IFT81: variants seen among roughly 807,000 people sequenced by gnomAD.
The protein encoded by IFT81 is intraflagellar transport protein 81 homolog.
A neutral mutation model predicts 102.6 loss-of-function variants in IFT81; 72 were observed. That is an observed-to-expected ratio of 0.70 (90% CI 0.58 to 0.85). The LOEUF is 0.85. Among genes scored for constraint, IFT81 ranks in the 40% least tolerant of loss-of-function variants. The pLI, the probability that IFT81 is intolerant of heterozygous loss-of-function variation, is 0.00. For missense variants in IFT81, 723 were observed against 787.3 expected (o/e 0.92, Z 0.98); for synonymous variants, 237 against 242.7 (o/e 0.98, Z 0.22).
In IFT81 at chr12:110,129,049, A is replaced by T. The variant is rs574287899; in HGVS notation, c.348A>T (p.Ala116=). Residue 116 remains alanine (A), a synonymous_variant, in exon 4 of 19, where the codon GCA becomes GCT. Coordinates refer to ENST00000242591, the MANE Select transcript of IFT81 (RefSeq NM_014055.4). ...LQRTNELKKR[A]YLARFLIKLE... is the part of the protein sequence containing the mutation. The stretch of plus-strand genomic sequence containing the variant: ...GGACTAATGAACTGAAGAAAAGAGC[A>T]TATTTAGCTCGTTTTTTAATAAAAC... 3.2e-5 allele frequency: 52 copies of T among 1,606,008 alleles called. No individual in the cohort carries two copies. The South Asian group carries it at 5.5e-4, about 17-fold the overall frequency.
intron 12 of IFT81, among the ~76,000 whole-genome samples, chr12:110,185,652 G>A (rs974324421): frequency 1.3e-5 from 2 of 152,038 alleles, no homozygotes; most frequent in Non-Finnish European, 2.9e-5. Flanking sequence ...TGTTGCCCAG[G>A]CTGGAATGTA....
At chr12:110,188,443 A>G (rs1897648449) in intron 12 of IFT81, among the ~76,000 whole-genome samples, 1 of 151,884 alleles carries the variant, frequency 6.6e-6, no homozygotes, top group Non-Finnish European at 1.5e-5. Context: ...TAAAGAGGAA[A>G]ATGCATACAG....
At chr12:110,127,575 C>T in intron 2 of IFT81, 51 bp downstream of exon 2, 2 of 1,499,772 alleles carry the variant, frequency 1.3e-6, no homozygotes, top group South Asian at 1.3e-5. Context: ...CAATTTCTCC[C>T]TCTAAATAGC....
At chr12:110,189,336 TTTTATTTA>T (rs552548275) in intron 12 of IFT81, among the ~76,000 whole-genome samples, 2 of 151,646 alleles carry the variant, frequency 1.3e-5, no homozygotes, top group African/African-American at 2.4e-5. Context: ...CTTTTTAAAA[TTTTATTTA>T]TTTATTTATT....
At chr12:110,171,045 G>T (rs1896701998) in intron 11 of IFT81, among the ~76,000 whole-genome samples, 1 of 152,156 alleles carries the variant, frequency 6.6e-6, no homozygotes, top group Non-Finnish European at 1.5e-5. Flanking sequence ...CCTTCTAAGT[G>T]AGCCTAGGCA....
chr12:110,196,695 A>G (rs1382330583), intron 14 of IFT81, among the ~76,000 whole-genome samples: 2 of 152,190 alleles, frequency 1.3e-5, no homozygotes, highest in Admixed American at 6.5e-5. Flanking sequence ...AAAAAAAGAA[A>G]GAAGGAAAAA....
intron 11 of IFT81, among the ~76,000 whole-genome samples, chr12:110,165,993 A>T (rs1305336699): frequency 6.6e-6 from 1 of 152,166 alleles, no homozygotes; most frequent in Non-Finnish European, 1.5e-5. Context: ...TGGCTCTAGA[A>T]CTTGGTTGTT....
At chr12:110,185,350 T>C (rs1381778050) in intron 12 of IFT81, among the ~76,000 whole-genome samples, 3 of 150,838 alleles carry the variant, frequency 2.0e-5, no homozygotes, top group Non-Finnish European at 3.0e-5. Flanking sequence ...TATGCCCAAC[T>C]ATTTTTTTGT....
intron 8 of IFT81, 51 bp from the exon 9 acceptor site, chr12:110,143,331 T>A: frequency 9.1e-7 from 1 of 1,096,408 alleles, no homozygotes; most frequent in Non-Finnish European, 1.2e-6. Context: ...ATACAGAATA[T>A]CACTGTACCT....
In IFT81 at chr12:110,203,899, G is replaced by C. The variant is rs751108244; in HGVS notation, c.1593G>C (p.Gln531His). 3.5e-5 allele frequency: 57 copies of C among 1,613,510 alleles called. No individual in the cohort carries two copies. The highest frequency in any genetic ancestry group is 4.5e-5 in the Non-Finnish European group (53 of 1,179,578). The change falls in exon 15 of 19, where the codon CAG (glutamine) becomes CAC (histidine). Residue 531 changes from glutamine to histidine, a missense_variant. Coordinates refer to ENST00000242591, the MANE Select transcript of IFT81 (RefSeq NM_014055.4). ...LTQECDEKKS[Q>H]YDSCAAGLES... The stretch of plus-strand genomic sequence containing the variant: ...AGGAGTGTGATGAAAAGAAATCCCA[G>C]TATGATAGCTGTGCAGCAGGCCTCG...
At chr12:110,129,191 A>T in intron 4 of IFT81, 61 bp downstream of exon 4, 2 of 1,235,682 alleles carry the variant, frequency 1.6e-6, no homozygotes, top group Non-Finnish European at 2.3e-6. Context: ...ATATATTCAA[A>T]TACATGTTAC....
intron 11 of IFT81, among the ~76,000 whole-genome samples, chr12:110,179,724 TTATATATATATATATATA>T (rs751481208): frequency 0.048 from 2,344 of 48,672 alleles, 115 homozygotes; most frequent in South Asian, 0.055. Context: ...TATCTCGAAA[TTATATATATATATATATA>T]TATATATATA....
At chr12:110,172,174 A>G (rs1896765155) in intron 11 of IFT81, 1 of 152,480 alleles carries the variant, frequency 6.6e-6, no homozygotes, top group Non-Finnish European at 1.5e-5. Context: ...TCAGGCCTGT[A>G]ATCCCAGCAC....
intron 11 of IFT81, among the ~76,000 whole-genome samples, chr12:110,172,823 G>A (rs1459338367): frequency 6.6e-6 from 1 of 151,182 alleles, no homozygotes; most frequent in South Asian, 2.1e-4. Context: ...TCTAGGAAGT[G>A]AGGAGCGTCT....
At chr12:110,127,577 C>T (rs1893924927) in intron 2 of IFT81, 53 bp downstream of exon 2, 1 of 1,500,148 alleles carries the variant, frequency 6.7e-7, no homozygotes, top group South Asian at 1.3e-5. Flanking sequence ...ATTTCTCCCT[C>T]TAAATAGCTG....
intron 14 of IFT81, among the ~76,000 whole-genome samples, chr12:110,193,147 A>G (rs1738144740): frequency 6.6e-6 from 1 of 151,592 alleles, no homozygotes; most frequent in African/African-American, 2.4e-5. Context: ...TGGGTGACAG[A>G]GTGAGACCCT....
In IFT81 at chr12:110,154,276, G is replaced by A. The variant is rs145495279; in HGVS notation, c.1041+7228G>A. 3.0e-4 allele frequency among the ~76,000 whole-genome samples: 45 copies of A among 150,302 alleles called. 1 individual carries two copies. In the South Asian group the frequency reaches 8.9e-3, roughly 30 times the overall value. ...AGGATTACAGAGCTTGCAATGAGCC[G>A]AGATCACGCCATTGCACTCCAGCCC... is the stretch of plus-strand genomic sequence containing the variant. On this transcript the variant is annotated intron_variant, in intron 10 of 18. Coordinates refer to ENST00000242591, the MANE Select transcript of IFT81 (RefSeq NM_014055.4).
rs1213381854 is a variant in IFT81, at chr12:110,127,403, T to A, written c.23T>A (p.Ile8Asn). 3 of 1,594,394 alleles carry A rather than the reference T, an allele frequency of 1.9e-6. No homozygotes were observed. The highest frequency in any genetic ancestry group is 2.6e-6 in the Non-Finnish European group (3 of 1,172,412). MSDQIKF[I>N]MDSLNKEPFR... ...ATTATGAGTGATCAAATTAAATTCA[T>A]TATGGACAGTCTCAATAAGGAGCCC... is the stretch of plus-strand genomic sequence containing the variant. The change falls in exon 2 of 19, where the codon ATT (isoleucine) becomes AAT (asparagine). Residue 8 changes from isoleucine (I) to asparagine (N), a missense_variant. Transcript: ENST00000242591.
chr12:110,210,325 G>A lies in IFT81; in HGVS notation c.1848+1109G>A, dbSNP rs79940670. ...ATTTAAAAATTAAATTACCTAGATT[G>A]ATTTAGATGAGTTATAAGATCATCT... On this transcript the variant is annotated intron_variant, in intron 18 of 18. Transcript: ENST00000242591. 1.4e-3 allele frequency among the ~76,000 whole-genome samples: 206 copies of A among 152,222 alleles called. 1 individual carries two copies. The highest frequency in any genetic ancestry group is 4.8e-3 in the African/African-American group (201 of 41,528).
Sources: allele counts gnomAD v4.1 joint callset (sites outside exome capture counted in the v4.1 genomes callset), GRCh38; gene constraint gnomAD v4.1.1; transcripts MANE v1.5; gene names NCBI Gene and HGNC (gene_info 2026-07-23, HGNC 2026-07-21).